SLIT2: variants seen among roughly 807,000 people sequenced by gnomAD.
SLIT2 encodes the protein slit homolog 2 protein.
A neutral mutation model predicts 185.7 loss-of-function variants in SLIT2; 41 were observed. The observed-to-expected ratio is 0.22, with a 90% CI of 0.17 to 0.29. The LOEUF (loss-of-function observed/expected upper bound fraction) is 0.29. SLIT2 is among the 10% of genes least tolerant of loss of function. SLIT2 has a pLI of 1.00. For synonymous variants in SLIT2, 693 were observed against 680.2 expected (o/e 1.02, Z -0.29); for missense variants, 1,571 against 1,909.0 (o/e 0.82, Z 3.30).
chr4:20,362,547 AT>A (rs1416085252), intron 4 of SLIT2, among the ~76,000 whole-genome samples: 1 of 151,838 alleles, frequency 6.6e-6, no homozygotes, highest in Non-Finnish European at 1.5e-5. Flanking sequence ...ATAAACATTA[AT>A]TTTATATTAT....
chr4:20,490,223 C>T (rs116037838), intron 8 of SLIT2, among the ~76,000 whole-genome samples: 151 of 152,230 alleles, frequency 9.9e-4, no homozygotes, highest in Non-Finnish European at 1.9e-3. Context: ...CATATATTTA[C>T]CTCACTTCAC....
intron 34 of SLIT2, 139 bp from the exon 35 acceptor site, chr4:20,616,771 A>G: frequency 1.2e-6 from 1 of 841,650 alleles, no homozygotes; most frequent in South Asian, 1.9e-5. Context: ...TCTCTTCTCC[A>G]CTTCACTTCC....
intron 9 of SLIT2, among the ~76,000 whole-genome samples, chr4:20,501,449 C>CT (rs1387632336): frequency 2.0e-5 from 3 of 152,056 alleles, no homozygotes; most frequent in Non-Finnish European, 4.4e-5. Flanking sequence ...CCACACCCGG[C>CT]TTTTTTGTCT....
At chr4:20,261,737 G>A (rs1712497928) in intron 3 of SLIT2, among the ~76,000 whole-genome samples, 1 of 151,806 alleles carries the variant, frequency 6.6e-6, no homozygotes, top group Non-Finnish European at 1.5e-5. Flanking sequence ...ATGCATATAT[G>A]CCTAGGTTAT....
At chr4:20,592,245 T>G (rs1299104843) in intron 30 of SLIT2, among the ~76,000 whole-genome samples, 2 of 152,210 alleles carry the variant, frequency 1.3e-5, no homozygotes, top group Non-Finnish European at 2.9e-5. Context: ...TATTGCTTTA[T>G]TATATACCTC....
At chr4:20,387,798 G>A (rs1169091587) in intron 4 of SLIT2, among the ~76,000 whole-genome samples, 2 of 152,048 alleles carry the variant, frequency 1.3e-5, no homozygotes, top group African/African-American at 4.8e-5. Flanking sequence ...CCAACAACCT[G>A]GATGGGCCTG....
intron 22 of SLIT2, among the ~76,000 whole-genome samples, chr4:20,546,657 A>G (rs1362692718): frequency 2.6e-5 from 4 of 152,096 alleles, no homozygotes; most frequent in Non-Finnish European, 5.9e-5. Flanking sequence ...AAATTTCAAA[A>G]TTTTGATTTT....
At chr4:20,618,258 CAA>C (rs1729835847) in intron 36 of SLIT2, among the ~76,000 whole-genome samples, 1 of 152,160 alleles carries the variant, frequency 6.6e-6, no homozygotes, top group Non-Finnish European at 1.5e-5. Context: ...AGGGACGAGA[CAA>C]GAGGAACGTG....
At chr4:20,313,752 C>T (rs1413091450) in intron 4 of SLIT2, among the ~76,000 whole-genome samples, 7 of 152,020 alleles carry the variant, frequency 4.6e-5, no homozygotes, top group East Asian at 3.9e-4. Context: ...CTAGATCCCT[C>T]GCAAGCACAG....
intron 4 of SLIT2, among the ~76,000 whole-genome samples, chr4:20,356,255 G>A (rs1020709152): frequency 2.6e-5 from 4 of 152,134 alleles, no homozygotes; most frequent in Non-Finnish European, 5.9e-5. Context: ...GTGATTCTAT[G>A]AAAGGCTGTA....
intron 19 of SLIT2, among the ~76,000 whole-genome samples, chr4:20,541,067 T>C (rs772383612): frequency 5.3e-5 from 8 of 152,208 alleles, no homozygotes; most frequent in Admixed American, 2.0e-4. Context: ...CCTTCATCTT[T>C]ATATTAAATT....
chr4:20,488,525 C>A (rs549608473), intron 7 of SLIT2, among the ~76,000 whole-genome samples: 28 of 152,126 alleles, frequency 1.8e-4, no homozygotes, highest in Non-Finnish European at 3.5e-4. Flanking sequence ...AACTGTGGAG[C>A]AATTTGCATT....
chr4:20,424,662 A>G, intron 4 of SLIT2, among the ~76,000 whole-genome samples: 1 of 152,154 alleles, frequency 6.6e-6, no homozygotes, highest in East Asian at 1.9e-4. Context: ...GTGTGTCACT[A>G]AGAAACAAAG....
chr4:20,510,602 A>T (rs1030939479), intron 10 of SLIT2, 36 bp downstream of exon 10: 2 of 1,361,286 alleles, frequency 1.5e-6, no homozygotes, highest in African/African-American at 2.9e-5. Context: ...ATGTAATTTT[A>T]AAAATTATAG....
rs370243090 is a variant in SLIT2, at chr4:20,491,880, C to G, written c.895C>G (p.Pro299Ala). 155 of 1,613,494 alleles carry G rather than the reference C, an allele frequency of 9.6e-5. No homozygotes were observed. The highest frequency in any genetic ancestry group is 1.3e-4 in the Non-Finnish European group (152 of 1,179,774). Residue 299 changes from proline to alanine, a missense_variant, in exon 9 of 37, where the codon CCA becomes GCA. Around this residue, in one of 3 missense-constraint regions of SLIT2, gnomAD observed 1,202 missense variants for 1,416.4 expected, o/e 0.85. Coordinates refer to ENST00000504154, the MANE Select transcript of SLIT2 (RefSeq NM_004787.4). ...KGLTEIPTNL[P>A]ETITEIRLEQ... ...TCTCACTGAGATCCCCACAAATCTT[C>G]CAGAGACCATCACAGAAATGTATGT...
intron 12 of SLIT2, among the ~76,000 whole-genome samples, chr4:20,519,890 G>A (rs1229098234): frequency 6.6e-6 from 1 of 151,766 alleles, no homozygotes; most frequent in African/African-American, 2.4e-5. Flanking sequence ...AATTAGCCGG[G>A]CGTGGTGGTG....
At chr4:20,302,267 C>G (rs1322635516) in intron 4 of SLIT2, among the ~76,000 whole-genome samples, 1 of 152,058 alleles carries the variant, frequency 6.6e-6, no homozygotes, top group African/African-American at 2.4e-5. Context: ...GAAGAATTGG[C>G]TTAAACTTAA....
chr4:20,563,011 AGGTGC>A (rs1176801553), intron 26 of SLIT2, among the ~76,000 whole-genome samples: 3 of 151,776 alleles, frequency 2.0e-5, no homozygotes, highest in Non-Finnish European at 2.9e-5. Context: ...TAGTGGTGTC[AGGTGC>A]GTAACTAGTG....
chr4:20,314,929 G>A (rs570471138), intron 4 of SLIT2, among the ~76,000 whole-genome samples: 1 of 151,942 alleles, frequency 6.6e-6, no homozygotes, highest in African/African-American at 2.4e-5. Flanking sequence ...TGTTGTTAAA[G>A]GTGTGGGGAA....
Sources: gnomAD v4.1 joint callset for allele counts (sites outside exome capture counted in the v4.1 genomes callset) on GRCh38, gnomAD v4.1.1 for gene constraint, gnomAD v4.1.1 regional missense constraint, MANE v1.5 for transcripts, NCBI Gene and HGNC (gene_info 2026-07-23, HGNC 2026-07-21) for gene names.